EPHA10: variants seen among roughly 807,000 people sequenced by gnomAD.
EPHA10 encodes the protein ephrin type-A receptor 10.
EPHA10 carries 120 observed loss-of-function variants against 109.7 expected under a neutral mutation model. That is an observed-to-expected ratio of 1.09 (90% confidence interval 0.94 to 1.27). The LOEUF (loss-of-function observed/expected upper bound fraction) is 1.27, where lower values mean the gene tolerates loss of function less well. Ranked by LOEUF, EPHA10 falls within the 50% of genes most tolerant of loss-of-function variation. EPHA10 has a pLI of 0.00. For missense variants in EPHA10, 1,396 were observed against 1,411.1 expected (o/e 0.99, Z 0.17); for synonymous variants, 640 against 618.9 (o/e 1.03, Z -0.51).
chr1:37,740,736 G>T (rs1033241226), intron 5 of EPHA10, among the ~76,000 whole-genome samples: 2 of 152,136 alleles, frequency 1.3e-5, no homozygotes, highest in Non-Finnish European at 2.9e-5. Context: ...AATAAGGCCT[G>T]GGGTTAGTGT....
At chr1:37,715,892 C>T (rs761165909), downstream of EPHA10, 2 of 561,392 alleles carry the variant, frequency 3.6e-6, no homozygotes, top group Admixed American at 1.9e-5. Context: ...ATTCTGGACA[C>T]CCCTGTCCTC....
At chr1:37,718,917 GAGGGTAA>G in intron 15 of EPHA10, 101 bp from the exon 16 acceptor site, 1 of 1,440,430 alleles carries the variant, frequency 6.9e-7, no homozygotes, top group Non-Finnish European at 9.2e-7. Flanking sequence ...AGGAGAAGGG[GAGGGTAA>G]CCGGGCCCCA....
At chr1:37,763,662 TAG>T (rs10607448) in intron 1 of EPHA10, among the ~76,000 whole-genome samples, 81,699 of 149,990 alleles carry the variant, frequency 0.54, 22,048 homozygotes, top group South Asian at 0.64. Flanking sequence ...AAGAGTCAAT[TAG>T]AGAGAGAGAG....
At chr1:37,742,829 A>C (rs947684660) in intron 5 of EPHA10, among the ~76,000 whole-genome samples, 2 of 152,004 alleles carry the variant, frequency 1.3e-5, no homozygotes, top group East Asian at 3.9e-4. Context: ...CTACAAAACA[A>C]TTTAAAAAGA....
chr1:37,743,884 GTA>G (rs960975106), intron 5 of EPHA10, among the ~76,000 whole-genome samples: 1 of 143,070 alleles, frequency 7.0e-6, no homozygotes, highest in African/African-American at 2.6e-5. Flanking sequence ...GAACATCTGT[GTA>G]TATATAGATA....
At chr1:37,729,417 C>T (rs1268017180) in intron 7 of EPHA10, among the ~76,000 whole-genome samples, 2 of 152,184 alleles carry the variant, frequency 1.3e-5, no homozygotes, top group South Asian at 2.1e-4. Context: ...GACGCATAAG[C>T]GTTCACCAAG....
intron 4 of EPHA10, among the ~76,000 whole-genome samples, chr1:37,753,734 A>C (rs1440679514): frequency 9.4e-6 from 1 of 106,140 alleles, no homozygotes; most frequent in Non-Finnish European, 2.0e-5. Flanking sequence ...GAGCGGGAGG[A>C]GGGGCTTGCC....
At chr1:37,719,675 C>T in intron 14 of EPHA10, 68 bp from the exon 15 acceptor site, 2 of 1,524,810 alleles carry the variant, frequency 1.3e-6, no homozygotes, top group Admixed American at 3.4e-5. Context: ...TGTGCACACA[C>T]ACATGCACAC....
rs543671541 is a variant in EPHA10, at chr1:37,724,534, G to A, written c.1773-1162C>T. Among the ~76,000 whole-genome samples, 111 of 151,384 alleles carry A rather than the reference G, an allele frequency of 7.3e-4. 1 individual carries two copies. Among genetic ancestry groups the A allele is most frequent in the African/African-American group, 2.5e-3 (105 of 41,414 alleles). On this transcript the variant is annotated intron_variant, in intron 8 of 16. Transcript: ENST00000373048. ...AGGAAGCACCAAGGACAGTACAAAA[G>A]AATCGCCAGAGGAACAGAAGGAGAG... is the stretch of plus-strand genomic sequence containing the variant.
At position 37,716,185 on chromosome 1, in the gene EPHA10, T is replaced by A. The variant is rs1051926582; in HGVS notation, c.*2187A>T. 4.4e-5 allele frequency: 18 copies of A among 412,554 alleles called. No homozygotes were observed. The highest frequency in any genetic ancestry group is 3.6e-4 in the African/African-American group (18 of 49,552). The allele number at this position is 412,554 out of a possible 1,614,324, so 25.6% of individuals were successfully genotyped here. On this transcript the variant is annotated 3_prime_UTR_variant, in exon 17 of 17. Transcript: ENST00000373048. ...CAGAGAGCCATCGCCCCACATCACATCTGTGCAGGGCTGAGGCCTGGGACC... is the reference window on the plus strand; with the variant it reads ...CAGAGAGCCATCGCCCCACATCACAACTGTGCAGGGCTGAGGCCTGGGACC...
chr1:37,745,883 CTAACAAAAGCCACCTTTGGCTTTCA>C (rs1248923823), intron 5 of EPHA10, among the ~76,000 whole-genome samples: 1 of 152,082 alleles, frequency 6.6e-6, no homozygotes, highest in Admixed American at 6.5e-5. Flanking sequence ...GGTGGCTTTC[CTAACAAAAGCCACCTTTGGCTTTCA>C]TAACAAAAAT....
intron 5 of EPHA10, among the ~76,000 whole-genome samples, chr1:37,752,169 T>C (rs967294964): frequency 1.3e-5 from 2 of 152,284 alleles, no homozygotes; most frequent in East Asian, 3.9e-4. Flanking sequence ...CCACCCCAGC[T>C]GAGAAGCGAA....
intron 7 of EPHA10, among the ~76,000 whole-genome samples, chr1:37,731,127 A>G (rs1039875115): frequency 1.6e-4 from 25 of 152,296 alleles, no homozygotes; most frequent in Admixed American, 1.5e-3. Context: ...ATCCAAACTG[A>G]GTCTCTATCC....
At chr1:37,719,878 A>G in intron 14 of EPHA10, 31 bp downstream of exon 14, 2 of 1,613,798 alleles carry the variant, frequency 1.2e-6, no homozygotes, top group Non-Finnish European at 1.7e-6. Flanking sequence ...GAGGGTCAGA[A>G]GGCATGCAGC....
chr1:37,718,566 G>A (rs1363068982), intron 16 of EPHA10, 80 bp from the exon 17 acceptor site: 48 of 1,610,468 alleles, frequency 3.0e-5, no homozygotes, highest in East Asian at 8.9e-5. Flanking sequence ...CTCTCCCTCC[G>A]CTTCTCTGGA....
chr1:37,724,208 C>T (rs1443669520), intron 8 of EPHA10, among the ~76,000 whole-genome samples: 1 of 152,148 alleles, frequency 6.6e-6, no homozygotes, highest in Non-Finnish European at 1.5e-5. Flanking sequence ...GGCCACAGGG[C>T]TGAGAGGTTG....
At chr1:37,730,621 T>C (rs1645965338) in intron 7 of EPHA10, among the ~76,000 whole-genome samples, 1 of 152,186 alleles carries the variant, frequency 6.6e-6, no homozygotes, top group African/African-American at 2.4e-5. Context: ...TTCCAGTTTT[T>C]GTTTGGTTTT....
chr1:37,726,994 G>A (rs1309103850), intron 8 of EPHA10, 108 bp downstream of exon 8: 3 of 790,274 alleles, frequency 3.8e-6, no homozygotes, highest in East Asian at 3.0e-5. Context: ...GTGCTTGCAG[G>A]TGCAAATCTG....
chr1:37,753,148 G>A lies in EPHA10; in HGVS notation c.1085C>T (p.Pro362Leu), dbSNP rs1646356285. The change falls in exon 5 of 17, where the codon CCG (proline) becomes CTG (leucine). Residue 362 changes from proline to leucine, a missense_variant. Coordinates refer to ENST00000373048, the MANE Select transcript of EPHA10 (RefSeq NM_001099439.2). The part of the protein sequence containing the change: ...PLVLRLRWLP[P>L]ADSGGRSDVT... ...GTCCGAGCGGCCTCCCGAGTCGGCC[G>A]GCGGCAGCCAGCGCAGTCGCAGCAC... 1.4e-6 allele frequency: 2 copies of A among 1,407,768 alleles called. No homozygotes were observed. Among genetic ancestry groups the A allele is most frequent in the Non-Finnish European group, 1.9e-6 (2 of 1,080,962 alleles). The allele number at this position is 1,407,768 out of a possible 1,614,324, so 87.2% of individuals were successfully genotyped here.
Sources: gnomAD v4.1 joint callset for allele counts (sites outside exome capture counted in the v4.1 genomes callset) on GRCh38, gnomAD v4.1.1 for gene constraint, MANE v1.5 for transcripts, NCBI Gene and HGNC (gene_info 2026-07-23, HGNC 2026-07-21) for gene names.